Variants in RAMP1 observed in about 807,000 individuals in gnomAD.
RAMP1 encodes receptor activity-modifying protein 1.
In RAMP1, 7 loss-of-function variants were observed where a neutral mutation model predicts 8.2. The ratio of observed to expected loss-of-function variants is 0.85; its 90% CI spans 0.49 to 1.60. The LOEUF (loss-of-function observed/expected upper bound fraction) is 1.60. RAMP1 is among the 40% of genes most tolerant of loss of function. The pLI is 0.00. For missense variants in RAMP1, 192 were observed against 202.4 expected, an observed-to-expected ratio of 0.95 and a Z score of 0.31; for synonymous variants, 92 against 84.7, an observed-to-expected ratio of 1.09 and a Z score of -0.47.
At position 237,877,384 on chromosome 2, in the gene RAMP1, G is replaced by T. The variant is rs1186795354; in HGVS notation, c.191+22G>T. 1.1e-5 allele frequency: 17 copies of T among 1,603,882 alleles called. No individual in the cohort carries two copies. The highest frequency in any genetic ancestry group is 1.4e-5 in the Non-Finnish European group (17 of 1,174,938). On this transcript the variant is annotated intron_variant, in intron 2 of 2. Transcript: ENST00000254661. The surrounding 1 kb of genome is among the most constrained non-coding windows in gnomAD (Gnocchi z 4.4). ...TCAGGTGAGTCCCATGGCCCCTGGTGGGCAGGACACGGTTGGGGAGGGAGA... is the reference window on the plus strand; with the variant it reads ...TCAGGTGAGTCCCATGGCCCCTGGTTGGCAGGACACGGTTGGGGAGGGAGA...
chr2:237,866,774 G>A (rs556081842), intron 1 of RAMP1, among the ~76,000 whole-genome samples: 1 of 151,326 alleles, frequency 6.6e-6, no homozygotes, highest in East Asian at 1.9e-4. Flanking sequence ...TTTTGCCCAG[G>A]CTGTAGTACA....
At chr2:237,875,232 AAG>A (rs1340578717) in intron 1 of RAMP1, among the ~76,000 whole-genome samples, 1 of 152,062 alleles carries the variant, frequency 6.6e-6, no homozygotes, top group Non-Finnish European at 1.5e-5. Context: ...CTGGGGGTGA[AAG>A]AAGCCCCCAG....
intron 1 of RAMP1, among the ~76,000 whole-genome samples, chr2:237,874,382 C>T (rs959108499): frequency 3.3e-5 from 5 of 152,248 alleles, no homozygotes; most frequent in East Asian, 1.9e-4. Context: ...GCTCGGCCTC[C>T]GCACGGGGAC....
rs1416306094 is a variant in RAMP1, at chr2:237,865,351, T to G, written c.52+5624T>G. On this transcript the variant is annotated intron_variant, in intron 1 of 2. Transcript: ENST00000254661. The surrounding 1 kb of genome is among the most constrained non-coding windows in gnomAD (Gnocchi z 4.2). ...AGGAGGGGAGGGGAGGGCAGGGGAG[T>G]AGAGAGGAGAGTGCAGGGGAGGGGA... 2.3e-3 allele frequency among the ~76,000 whole-genome samples: 158 copies of G among 68,566 alleles called. No homozygotes were observed. The highest frequency in any genetic ancestry group is 4.0e-3 in the Admixed American group (25 of 6,254). 45.0% of individuals were successfully genotyped at this position (68,566 alleles called of 152,430 possible).
At position 237,877,963 on chromosome 2, in the gene RAMP1, A is replaced by G. The variant is rs1163412423; in HGVS notation, c.191+601A>G. 1 of 985,226 alleles carries G rather than the reference A, an allele frequency of 1.0e-6. No individual in the cohort carries two copies. Among genetic ancestry groups the G allele is most frequent in the African/African-American group, 1.7e-5 (1 of 57,226 alleles). 61.0% of individuals were successfully genotyped at this position (985,226 alleles called of 1,614,324 possible). A position where few individuals can be genotyped will look rare whatever the true frequency, so the allele number is the denominator to read the frequency against. ...TCAGCCTCCTGGGTGCTGGGCCCCC[A>G]TCAGCAGGCCGGGGGGTTCTCCCCA... On this transcript the variant is annotated intron_variant, in intron 2 of 2. Coordinates refer to ENST00000254661, the MANE Select transcript of RAMP1 (RefSeq NM_005855.4). The surrounding 1 kb of genome is among the most constrained non-coding windows in gnomAD (Gnocchi z 4.4).
intron 1 of RAMP1, among the ~76,000 whole-genome samples, chr2:237,874,240 G>A (rs2062276373): frequency 6.6e-6 from 1 of 152,252 alleles, no homozygotes; most frequent in African/African-American, 2.4e-5. Context: ...CAGCCCAGGG[G>A]ACAGCAGGAG....
intron 1 of RAMP1, among the ~76,000 whole-genome samples, chr2:237,861,851 CA>C (rs11384578): frequency 1.9e-4 from 27 of 138,604 alleles, no homozygotes; most frequent in East Asian, 4.3e-4. Context: ...AACTCCGTCT[CA>C]AAAAAAAAAA....
upstream of RAMP1, chr2:237,858,933 ACT>A (rs1236517484): frequency 1.3e-5 from 2 of 152,276 alleles, no homozygotes; most frequent in Non-Finnish European, 2.9e-5. The surrounding 1 kb of genome is among the most constrained non-coding windows in gnomAD (Gnocchi z 4.4). Context: ...TCATCTCAAG[ACT>A]CTGTGGCCAG....
intron 2 of RAMP1, among the ~76,000 whole-genome samples, chr2:237,879,989 C>CAA (rs35678960): frequency 0.15 from 11,689 of 75,588 alleles, 985 homozygotes; most frequent in Middle Eastern, 0.29. Flanking sequence ...GACTTTGTCT[C>CAA]AAAAAAAAAA....
At chr2:237,904,686 C>T (rs1046650205) in intron 2 of RAMP1, among the ~76,000 whole-genome samples, 1 of 152,200 alleles carries the variant, frequency 6.6e-6, no homozygotes, top group Non-Finnish European at 1.5e-5. Flanking sequence ...TTTAGACACA[C>T]ATTGCCTGGT....
intron 2 of RAMP1, among the ~76,000 whole-genome samples, chr2:237,885,459 T>C (rs1576545693): frequency 6.6e-6 from 1 of 152,248 alleles, no homozygotes; most frequent in African/African-American, 2.4e-5. Flanking sequence ...TTCATGGCGG[T>C]GTCCGCCCTG....
At chr2:237,900,413 G>A (rs1229182935) in intron 2 of RAMP1, among the ~76,000 whole-genome samples, 10 of 152,086 alleles carry the variant, frequency 6.6e-5, no homozygotes, top group African/African-American at 1.4e-4. Flanking sequence ...TGCCCACCTC[G>A]GCCTCCCAAA....
chr2:237,882,853 G>A (rs935624942), intron 2 of RAMP1, among the ~76,000 whole-genome samples: 6 of 129,644 alleles, frequency 4.6e-5, no homozygotes, highest in Non-Finnish European at 8.1e-5. Context: ...GTGGCACTGT[G>A]TCTGTTGGAT....
At chr2:237,859,756 C>G (rs963988442) in intron 1 of RAMP1, 29 bp downstream of exon 1, 7 of 1,497,218 alleles carry the variant, frequency 4.7e-6, no homozygotes, top group African/African-American at 1.5e-5. Context: ...CCCGGCCGAG[C>G]TCCCTTCCCC....
At chr2:237,876,635 G>C (rs1457260968) in intron 1 of RAMP1, among the ~76,000 whole-genome samples, 1 of 151,140 alleles carries the variant, frequency 6.6e-6, no homozygotes, top group Non-Finnish European at 1.5e-5. Context: ...CAAGGGCCAT[G>C]CTCTCCCCGC....
Position 237,859,793 on chromosome 2 carries a change from AGGAGGGGAGC to A in RAMP1, c.52+69_52+78del, listed in dbSNP as rs1366995282. 4.8e-6 allele frequency: 4 copies of A among 829,556 alleles called. No homozygotes were observed. In the African/African-American group the frequency reaches 7.5e-5, roughly 16 times the overall value. The allele number at this position is 829,556 out of a possible 1,614,324, so 51.4% of individuals were successfully genotyped here. A position where few individuals can be genotyped will look rare whatever the true frequency, so the allele number is the denominator to read the frequency against. ...GGCCAGCCGGTGTCCTCTAGGGGAGAGGAGGGGAGCGGGTGGGAGCGGGTGGGAGCGGGTG... is the reference window on the plus strand; with the variant it reads ...GGCCAGCCGGTGTCCTCTAGGGGAGAGGGTGGGAGCGGGTGGGAGCGGGTG... On this transcript the variant is annotated intron_variant, in intron 1 of 2. Coordinates refer to ENST00000254661, the MANE Select transcript of RAMP1 (RefSeq NM_005855.4).
At chr2:237,881,690 A>G (rs1293202779) in intron 2 of RAMP1, among the ~76,000 whole-genome samples, 1 of 152,146 alleles carries the variant, frequency 6.6e-6, no homozygotes, top group Non-Finnish European at 1.5e-5. Context: ...CATCTTTCGT[A>G]TGTTTACAGG....
intron 2 of RAMP1, among the ~76,000 whole-genome samples, chr2:237,887,411 T>C (rs1479150691): frequency 1.4e-5 from 2 of 144,250 alleles, no homozygotes; most frequent in Non-Finnish European, 3.0e-5. Context: ...TTGCGGGACC[T>C]AAGCACAGGG....
intron 2 of RAMP1, among the ~76,000 whole-genome samples, chr2:237,908,083 C>T (rs1413181306): frequency 6.6e-6 from 1 of 152,196 alleles, no homozygotes; most frequent in Non-Finnish European, 1.5e-5. Context: ...GCTGTCATTG[C>T]CTTGTGCCCA....
Sources: allele counts gnomAD v4.1 joint callset (sites outside exome capture counted in the v4.1 genomes callset), GRCh38; gene constraint gnomAD v4.1.1; non-coding constraint Gnocchi (gnomAD v3.1); transcripts MANE v1.5; gene names NCBI Gene and HGNC (gene_info 2026-07-23, HGNC 2026-07-21).